TBL2: variants seen among roughly 807,000 people sequenced by gnomAD.
TBL2 encodes transducin beta like 2.
A neutral mutation model predicts 41.8 loss-of-function variants in TBL2; 33 were observed. The observed-to-expected ratio is 0.79, with a 90% CI of 0.60 to 1.06. The LOEUF (loss-of-function observed/expected upper bound fraction) is 1.06, where lower values mean the gene tolerates loss of function less well. Among genes scored for constraint, TBL2 ranks in the 50% least tolerant of loss-of-function variants. TBL2 has a pLI of 0.00. For missense variants in TBL2, 522 were observed against 603.8 expected (o/e 0.86, Z 1.42); for synonymous variants, 239 against 241.7 (o/e 0.99, Z 0.10).
At chr7:73,573,154 G>T in intron 4 of TBL2, 166 bp downstream of exon 4, 1 of 1,347,528 alleles carries the variant, frequency 7.4e-7, no homozygotes. Context: ...GACCTGGTGT[G>T]GCCCAGGGAC....
rs1563446873 is a variant in TBL2 at position 73,570,843 on chromosome 7, G to A, written c.1008C>T (p.Arg336=). The change falls in exon 7 of 7, where the codon CGC becomes CGT. Residue 336 remains arginine, a synonymous_variant. Transcript: ENST00000305632. ...FEEAAGAAPC[R]LALSPNAQVL... is the part of the protein sequence containing the mutation. ...CCTGGGCGTTGGGGGAGAGGGCCAG[G>A]CGGCACGGCGCGGCACCCGCCGCCT... The A allele has an allele frequency of 1.2e-6, 2 of 1,613,820 alleles. No homozygotes were observed. Among genetic ancestry groups the A allele is most frequent in the East Asian group, 2.2e-5 (1 of 44,892 alleles).
rs1006841897 is a variant in TBL2 at position 73,567,965 on chromosome 7, G to C, written c.*2542C>G. ...CCACTTCCTGTCCTGGATACACAACGGGAGTAATGCCAGAGCTGCTTCTAA... is the reference window on the plus strand; with the variant it reads ...CCACTTCCTGTCCTGGATACACAACCGGAGTAATGCCAGAGCTGCTTCTAA... On this transcript the variant is annotated 3_prime_UTR_variant, in exon 7 of 7. Coordinates refer to ENST00000305632, the MANE Select transcript of TBL2 (RefSeq NM_012453.4). 7.9e-5 allele frequency among the ~76,000 whole-genome samples: 12 copies of C among 152,140 alleles called. No homozygotes were observed. The highest frequency in any genetic ancestry group is 2.9e-4 in the African/African-American group (12 of 41,432).
chr7:73,571,409 ATC>A (rs1420382106), intron 5 of TBL2, 68 bp from the exon 6 acceptor site: 10 of 1,589,232 alleles, frequency 6.3e-6, no homozygotes, highest in Non-Finnish European at 8.6e-6. Flanking sequence ...AAACCCCTCA[ATC>A]TCTTTCCTGA....
chr7:73,577,636 T>G (rs1407017731), intron 1 of TBL2, among the ~76,000 whole-genome samples: 1 of 152,196 alleles, frequency 6.6e-6, no homozygotes, highest in African/African-American at 2.4e-5. Context: ...TTTCTAGTAC[T>G]AACCTCTTCT....
intron 6 of TBL2, 27 bp downstream of exon 6, chr7:73,571,162 G>A (rs781853707): frequency 1.2e-6 from 2 of 1,613,886 alleles, no homozygotes; most frequent in Non-Finnish European, 1.7e-6. Flanking sequence ...AGAGCCACTG[G>A]TCAGACATCA....
At chr7:73,574,203 G>A in intron 2 of TBL2, 81 bp from the exon 3 acceptor site, 1 of 1,563,166 alleles carries the variant, frequency 6.4e-7, no homozygotes, top group Non-Finnish European at 8.7e-7. Context: ...GGGAGATGGG[G>A]CCCTGTGGCC....
At position 73,572,852 on chromosome 7, in the gene TBL2, G is replaced by A. The variant is rs1400352283; in HGVS notation, c.717C>T (p.Pro239=). ...TACCCCTCCTTGCCCACCTGCCACA[G>A]GGAGATACAGCAGCGTGTGTGTTGT... is the stretch of plus-strand genomic sequence containing the variant. ...QMNNTHAAVS[P]CGRFVASCGF... is the part of the protein sequence containing the mutation. The change falls in exon 5 of 7, where the codon CCC becomes CCT. Residue 239 remains proline (P), a synonymous_variant. Coordinates refer to ENST00000305632, the MANE Select transcript of TBL2 (RefSeq NM_012453.4). 3 of 1,613,956 alleles carry A rather than the reference G, an allele frequency of 1.9e-6. No homozygotes were observed. Among genetic ancestry groups the A allele is most frequent in the Non-Finnish European group, 2.5e-6 (3 of 1,179,984 alleles).
intron 1 of TBL2, 28 bp downstream of exon 1, chr7:73,578,392 C>T: frequency 1.3e-6 from 2 of 1,516,816 alleles, no homozygotes; most frequent in Middle Eastern, 2.1e-4. Context: ...CACCGCGGGC[C>T]GCCCCCACCC....
chr7:73,570,283 AG>A lies in TBL2; in HGVS notation c.*223del, dbSNP rs1792840067. 1.5e-6 allele frequency: 1 copy of A among 648,692 alleles called. No homozygotes were observed. The highest frequency in any genetic ancestry group is 1.9e-5 in the African/African-American group (1 of 53,966). 40.2% of individuals were successfully genotyped at this position (648,692 alleles called of 1,614,324 possible). On this transcript the variant is annotated 3_prime_UTR_variant, in exon 7 of 7. Transcript: ENST00000305632. Reference sequence around the variant, plus strand: ...ACAGATTCCACCCACTGGGCCTGGGAGGAAGAAAAGCACCTTGGCCACTAGT... The same window carrying A: ...ACAGATTCCACCCACTGGGCCTGGGAGAAGAAAAGCACCTTGGCCACTAGT...
Position 73,571,208 on chromosome 7 carries a change from A to G in TBL2, c.859T>C (p.Phe287Leu). 1 of 1,614,214 alleles carries G rather than the reference A, an allele frequency of 6.2e-7. No individual in the cohort carries two copies. The highest frequency in any genetic ancestry group is 2.2e-5 in the East Asian group (1 of 44,872). ...ACTCACCTCCGTGAGTCGTTGGAGA[A>G]AGCAAACGAGTGCACAGCCGCGGAG... ...GHSAAVHSFA[F>L]SNDSRRMASV... Residue 287 changes from phenylalanine to leucine, a missense_variant, in exon 6 of 7, where the codon TTC becomes CTC. Transcript: ENST00000305632.
At chr7:73,573,120 T>C (rs1793074019) in intron 4 of TBL2, 150 bp from the exon 5 acceptor site, 2 of 1,387,864 alleles carry the variant, frequency 1.4e-6, no homozygotes, top group Non-Finnish European at 9.8e-7. Context: ...CTGAAGACTG[T>C]GGCCCTTCCC....
At chr7:73,576,089 C>T (rs1268111338) in intron 1 of TBL2, among the ~76,000 whole-genome samples, 3 of 151,446 alleles carry the variant, frequency 2.0e-5, no homozygotes, top group East Asian at 2.0e-4. Context: ...GATGAGATAT[C>T]TACAAAGTGA....
At chr7:73,573,831 G>A in intron 3 of TBL2, 107 bp downstream of exon 3, 1 of 1,386,454 alleles carries the variant, frequency 7.2e-7, no homozygotes, top group East Asian at 2.3e-5. Flanking sequence ...CACCCCAAGG[G>A]AGGCCCTGGG....
chr7:73,575,110 GT>G (rs138718170), intron 1 of TBL2, among the ~76,000 whole-genome samples: 6,282 of 149,116 alleles, frequency 0.042, 445 homozygotes, highest in African/African-American at 0.14. Flanking sequence ...CTGGACCTTG[GT>G]TTTTTTTTTC....
chr7:73,577,815 T>G (rs1244124851), intron 1 of TBL2, among the ~76,000 whole-genome samples: 8 of 151,666 alleles, frequency 5.3e-5, no homozygotes, highest in Non-Finnish European at 1.2e-4. Flanking sequence ...CCAGCTAATT[T>G]TGCGTAGAGA....
Position 73,574,433 on chromosome 7 carries a change from T to C in TBL2, c.211A>G (p.Lys71Glu). The C allele has an allele frequency of 6.2e-7, 1 of 1,614,092 alleles. No homozygotes were observed. The highest frequency in any genetic ancestry group is 8.5e-7 in the Non-Finnish European group (1 of 1,180,038). The change falls in exon 2 of 7, where the codon AAG (lysine) becomes GAG (glutamate). Residue 71 changes from lysine to glutamate, a missense_variant. Transcript: ENST00000305632. The part of the protein sequence containing the change: ...QKQYQRIRKE[K>E]PQQHNFTHRL... ...TGGGTGAAGTTGTGTTGTTGAGGCTTCTCCTTCCGAATCCGCTGATATTGT... is the reference window on the plus strand; with the variant it reads ...TGGGTGAAGTTGTGTTGTTGAGGCTCCTCCTTCCGAATCCGCTGATATTGT...
Position 73,571,076 on chromosome 7 carries a change from C to T in TBL2, c.879-104G>A, listed in dbSNP as rs180731989. On this transcript the variant is annotated intron_variant, in intron 6 of 6. Coordinates refer to ENST00000305632, the MANE Select transcript of TBL2 (RefSeq NM_012453.4). ...CTAGGAAGCTAAGTCAGCTTCCTGCCGAGGGCCAGGCACCCCACCCTCTTC... is the reference window on the plus strand; with the variant it reads ...CTAGGAAGCTAAGTCAGCTTCCTGCTGAGGGCCAGGCACCCCACCCTCTTC... The T allele has an allele frequency of 3.0e-3, 4,745 of 1,573,406 alleles. 12 individuals carry two copies. Among genetic ancestry groups the T allele is most frequent in the Non-Finnish European group, 3.6e-3 (4,219 of 1,159,098 alleles).
In TBL2 at chr7:73,567,736, C is replaced by G. The variant is rs1554586440; in HGVS notation, c.*2771G>C. Among the ~76,000 whole-genome samples the G allele has an allele frequency of 6.6e-6, 1 of 152,158 alleles. No homozygotes were observed. Among genetic ancestry groups the G allele is most frequent in the East Asian group, 1.9e-4 (1 of 5,200 alleles). On this transcript the variant is annotated 3_prime_UTR_variant, in exon 7 of 7. Coordinates refer to ENST00000305632, the MANE Select transcript of TBL2 (RefSeq NM_012453.4). ...AGAGAAGCTTGAGTGAGGGCACTTT[C>G]TGTCCTCAGAAGTCTGTGGAATGAC...
At chr7:73,577,748 AC>A (rs1264193623) in intron 1 of TBL2, among the ~76,000 whole-genome samples, 1 of 151,594 alleles carries the variant, frequency 6.6e-6, no homozygotes, top group Admixed American at 6.6e-5. Context: ...GACTCACGAC[AC>A]CCTCCTGCCT....
Sources: gnomAD v4.1 joint callset for allele counts (sites outside exome capture counted in the v4.1 genomes callset) on GRCh38, gnomAD v4.1.1 for gene constraint, MANE v1.5 for transcripts, NCBI Gene and HGNC (gene_info 2026-07-23, HGNC 2026-07-21) for gene names.